Variants in SAMD5 observed in about 807,000 individuals in gnomAD.
SAMD5 encodes the protein sterile alpha motif domain-containing protein 5.
Under a neutral mutation model 11.3 loss-of-function variants are expected in SAMD5, and 13 were observed. That is an observed-to-expected ratio of 1.15 (90% CI 0.75 to 1.83). The LOEUF is 1.83. Ranked by LOEUF, SAMD5 falls within the 40% of genes most tolerant of loss-of-function variation. The pLI is 0.00. For missense variants in SAMD5, 255 were observed against 239.1 expected (o/e 1.07, Z -0.44); for synonymous variants, 129 against 111.3 (o/e 1.16, Z -1.00).
At chr6:147,768,291 A>T in the SAMD5 span, among the ~76,000 whole-genome samples, 1 of 152,312 alleles carries the variant, frequency 6.6e-6, no homozygotes, top group Non-Finnish European at 1.5e-5. Flanking sequence ...TGAGGTCAGG[A>T]GTTCGAAACC....
chr6:147,843,143 C>CGTGA, the SAMD5 span, among the ~76,000 whole-genome samples: 1 of 152,138 alleles, frequency 6.6e-6, no homozygotes, highest in Non-Finnish European at 1.5e-5. Flanking sequence ...GGATTACAGG[C>CGTGA]GTGAGCCACT....
chr6:147,547,040 T>G (rs1788698183), intron 1 of SAMD5, among the ~76,000 whole-genome samples: 1 of 152,118 alleles, frequency 6.6e-6, no homozygotes, highest in African/African-American at 2.4e-5. Flanking sequence ...GGTCCTGCCT[T>G]TCCATCACTG....
chr6:147,883,782 T>C, the SAMD5 span, among the ~76,000 whole-genome samples: 1 of 152,216 alleles, frequency 6.6e-6, no homozygotes, highest in East Asian at 1.9e-4. Context: ...TAGGTTTTGA[T>C]GTTCTAATAT....
rs1445493702 is a variant in SAMD5 at position 147,711,481 on chromosome 6, C to CT, written c.163-25833dup. ...CTTCTCATTAGCCAAGATTCCTGCA[C>CT]TTTAGGCTGAAATAGAAAGAAGCTC... On this transcript the variant is annotated intron_variant, in intron 1 of 1. Transcript: ENST00000566741. The surrounding 1 kb of genome is among the most constrained non-coding windows in gnomAD (Gnocchi z 4.1). Among the ~76,000 whole-genome samples, 2 of 152,208 alleles carry CT rather than the reference C, an allele frequency of 1.3e-5. No individual in the cohort carries two copies. Among genetic ancestry groups the CT allele is most frequent in the African/African-American group, 2.4e-5 (1 of 41,452 alleles).
chr6:147,657,646 G>A (rs991428226), intron 1 of SAMD5, among the ~76,000 whole-genome samples: 6 of 152,162 alleles, frequency 3.9e-5, no homozygotes, highest in African/African-American at 1.4e-4. Context: ...CTGGAGGCTC[G>A]GAAGTCCAGG....
At chr6:147,899,760 C>T in the SAMD5 span, among the ~76,000 whole-genome samples, 13 of 152,218 alleles carry the variant, frequency 8.5e-5, no homozygotes, top group African/African-American at 3.1e-4. Context: ...CCTAATATTT[C>T]CTCCCTGATA....
chr6:147,835,775 C>T, the SAMD5 span, among the ~76,000 whole-genome samples: 1 of 152,068 alleles, frequency 6.6e-6, no homozygotes, highest in Non-Finnish European at 1.5e-5. Context: ...TCTTCCCCTC[C>T]ACTTGTCTTG....
the SAMD5 span, among the ~76,000 whole-genome samples, chr6:147,885,609 G>C: frequency 1.3e-5 from 2 of 152,044 alleles, no homozygotes; most frequent in African/African-American, 4.8e-5. Context: ...TTAGAAGCAA[G>C]CAGGATTAGA....
At chr6:147,830,013 C>T in the SAMD5 span, among the ~76,000 whole-genome samples, 1 of 152,022 alleles carries the variant, frequency 6.6e-6, no homozygotes, top group South Asian at 2.1e-4. Context: ...CATGATAAAT[C>T]TGTGTGTGAG....
chr6:147,830,251 C>CTTTTT, the SAMD5 span, among the ~76,000 whole-genome samples: 242 of 84,930 alleles, frequency 2.8e-3, no homozygotes, highest in East Asian at 4.0e-3. Context: ...TTCTTTCTTT[C>CTTTTT]TTTTTTTTTT....
chr6:147,742,622 A>G, the SAMD5 span, among the ~76,000 whole-genome samples: 1 of 152,180 alleles, frequency 6.6e-6, no homozygotes, highest in African/African-American at 2.4e-5. Flanking sequence ...TGAAGGAGGC[A>G]TTTGCCTTTC....
At chr6:147,866,427 G>A in the SAMD5 span, among the ~76,000 whole-genome samples, 10 of 152,128 alleles carry the variant, frequency 6.6e-5, no homozygotes, top group South Asian at 2.1e-4. Context: ...AAAAGTGTTC[G>A]CAATGTAATG....
the SAMD5 span, among the ~76,000 whole-genome samples, chr6:147,908,438 C>G: frequency 0.1 from 15,592 of 152,074 alleles, 1,081 homozygotes; most frequent in South Asian, 0.29. Flanking sequence ...AAATGGGGTT[C>G]TTTTTATTGC....
At chr6:147,540,860 C>A (rs1017227761) in intron 1 of SAMD5, among the ~76,000 whole-genome samples, 2 of 150,870 alleles carry the variant, frequency 1.3e-5, no homozygotes, top group African/African-American at 4.9e-5. Flanking sequence ...CCTTTCTCTG[C>A]AGCTTCCTGA....
the SAMD5 span, among the ~76,000 whole-genome samples, chr6:147,789,334 C>G: frequency 6.6e-6 from 1 of 150,854 alleles, no homozygotes; most frequent in African/African-American, 2.4e-5. Flanking sequence ...AAACCCAAAA[C>G]ACTACCGCAC....
intron 1 of SAMD5, among the ~76,000 whole-genome samples, chr6:147,529,541 T>C (rs1788395070): frequency 6.6e-6 from 1 of 152,184 alleles, no homozygotes; most frequent in Non-Finnish European, 1.5e-5. Context: ...ATATATAGTA[T>C]GATTGGACAC....
chr6:147,885,825 A>G, the SAMD5 span, among the ~76,000 whole-genome samples: 2 of 152,216 alleles, frequency 1.3e-5, no homozygotes, highest in African/African-American at 4.8e-5. Flanking sequence ...GGGGCTGCCC[A>G]GCCAGTCAGC....
chr6:147,603,116 A>G (rs1335220626), intron 1 of SAMD5, among the ~76,000 whole-genome samples: 3 of 152,240 alleles, frequency 2.0e-5, no homozygotes, highest in Non-Finnish European at 4.4e-5. Context: ...CAAGATTCTC[A>G]TTCTGTAAAA....
intron 1 of SAMD5, among the ~76,000 whole-genome samples, chr6:147,672,302 A>T (rs972055887): frequency 1.3e-5 from 2 of 152,120 alleles, no homozygotes; most frequent in African/African-American, 4.8e-5. Flanking sequence ...TAATTTTAGC[A>T]TATGTTCAGT....
Sources: allele counts gnomAD v4.1 joint callset (sites outside exome capture counted in the v4.1 genomes callset), GRCh38; gene constraint gnomAD v4.1.1; non-coding constraint Gnocchi (gnomAD v3.1); transcripts MANE v1.5; gene names NCBI Gene and HGNC (gene_info 2026-07-23, HGNC 2026-07-21).